The following BMPR2 variants were observed in gnomAD, a reference collection of about 807,000 sequenced individuals.
The protein encoded by BMPR2 is bone morphogenetic protein receptor type 2.
Under a neutral mutation model 100.8 loss-of-function variants are expected in BMPR2, and 29 were observed. That is an observed-to-expected ratio of 0.29 (90% CI 0.21 to 0.39). BMPR2 has a LOEUF of 0.39. Ranked by LOEUF, BMPR2 falls within the 10% of genes least tolerant of loss-of-function variation. BMPR2 has a pLI of 1.00. For missense variants in BMPR2, 1,011 were observed against 1,274.5 expected, an observed-to-expected ratio of 0.79 and a Z score of 3.15; for synonymous variants, 382 against 442.3, an observed-to-expected ratio of 0.86 and a Z score of 1.71.
chr2:202,531,196 G>C (rs1196293407), intron 8 of BMPR2, among the ~76,000 whole-genome samples: 1 of 152,078 alleles, frequency 6.6e-6, no homozygotes, highest in Non-Finnish European at 1.5e-5. Context: ...CCAGCTACTC[G>C]GGAGTCTGAG....
At chr2:202,381,834 G>C (rs1240445989) in intron 1 of BMPR2, among the ~76,000 whole-genome samples, 1 of 151,882 alleles carries the variant, frequency 6.6e-6, no homozygotes, top group Non-Finnish European at 1.5e-5. Context: ...TGAGGTGAGA[G>C]ATAACTGTTC....
intron 1 of BMPR2, among the ~76,000 whole-genome samples, chr2:202,391,291 TTTG>T (rs34935440): frequency 9.9e-5 from 15 of 151,450 alleles, no homozygotes; most frequent in Non-Finnish European, 1.6e-4. Flanking sequence ...GTCTTATAGT[TTTG>T]TTGTTGTTGT....
At position 202,556,063 on chromosome 2, in the gene BMPR2, C is replaced by A. The variant is rs760360705; in HGVS notation, c.2398C>A (p.His800Asn). Residue 800 changes from histidine (H) to asparagine (N), a missense_variant, in exon 12 of 13, where the codon CAT (histidine) becomes AAT (asparagine). His to Asn is a moderately conservative substitution (Grantham distance 68, BLOSUM62 1). Coordinates refer to ENST00000374580, the MANE Select transcript of BMPR2 (RefSeq NM_001204.7). ...GAATACAATCAATGCAGCAGAACCT[C>A]ATGTGGTGACAGTCACCATGAATGG... ...KMNTINAAEPHVVTVTMNGVA... is the reference protein window; with the variant it reads ...KMNTINAAEPNVVTVTMNGVA... The A allele has an allele frequency of 1.9e-5, 30 of 1,614,074 alleles. No individual in the cohort carries two copies. The highest frequency in any genetic ancestry group is 2.5e-5 in the Non-Finnish European group (30 of 1,180,058).
At chr2:202,451,026 A>G (rs1691967364) in intron 1 of BMPR2, among the ~76,000 whole-genome samples, 1 of 152,210 alleles carries the variant, frequency 6.6e-6, no homozygotes, top group Non-Finnish European at 1.5e-5. Context: ...CAAACACACA[A>G]GCATGCCCAG....
chr2:202,558,540 T>G (rs1379030931), intron 12 of BMPR2, among the ~76,000 whole-genome samples: 1 of 152,146 alleles, frequency 6.6e-6, no homozygotes, highest in Non-Finnish European at 1.5e-5. Flanking sequence ...CTTGCTTGAG[T>G]GGCTTGTATT....
rs903673433 is a variant in BMPR2, at chr2:202,564,423, G to C, written c.*4477G>C. ...GTTGATTATCTAGACCAGTCATTCT[G>C]GAAATTGTAACACTCCCACATAAAC... On this transcript the variant is annotated 3_prime_UTR_variant, in exon 13 of 13. Coordinates refer to ENST00000374580, the MANE Select transcript of BMPR2 (RefSeq NM_001204.7). 6.6e-6 allele frequency: 1 copy of C among 152,112 alleles called. No homozygotes were observed. Among genetic ancestry groups the C allele is most frequent in the Admixed American group, 6.6e-5 (1 of 15,266 alleles). The allele number at this position is 152,112 out of a possible 1,614,324, so 9.4% of individuals were successfully genotyped here.
At chr2:202,521,215 G>T (rs1169399297) in intron 7 of BMPR2, among the ~76,000 whole-genome samples, 1 of 152,166 alleles carries the variant, frequency 6.6e-6, no homozygotes, top group African/African-American at 2.4e-5. Context: ...TGATGTACTT[G>T]TTTGCAAGAG....
chr2:202,539,527 A>G (rs912563360), intron 9 of BMPR2, among the ~76,000 whole-genome samples: 3 of 152,160 alleles, frequency 2.0e-5, no homozygotes, highest in Non-Finnish European at 2.9e-5. Flanking sequence ...AATTCTTATA[A>G]AACATTTTTT....
intron 3 of BMPR2, among the ~76,000 whole-genome samples, chr2:202,497,241 C>G (rs1263421075): frequency 6.6e-6 from 1 of 152,204 alleles, no homozygotes; most frequent in Non-Finnish European, 1.5e-5. Flanking sequence ...TGAGTGCCGC[C>G]CCCTGCTCCA....
intron 3 of BMPR2, among the ~76,000 whole-genome samples, chr2:202,483,066 TG>T (rs1241961791): frequency 2.0e-5 from 3 of 152,196 alleles, no homozygotes; most frequent in African/African-American, 7.2e-5. Context: ...GCTGTCCTAA[TG>T]GGTGTGAGGT....
In BMPR2 at chr2:202,505,664, GGTGGTGCTGGCACTCTATAA is replaced by G. The variant is rs1350199176; in HGVS notation, c.419-8054_419-8035del. Reference sequence around the variant, plus strand: ...TTTGGCTGGAGCTTGGCAAGCTAGAGGTGGTGCTGGCACTCTATAACCACTTTATTTTATGGATAAAGAAG... The same window carrying G: ...TTTGGCTGGAGCTTGGCAAGCTAGAGCCACTTTATTTTATGGATAAAGAAG... On this transcript the variant is annotated intron_variant, in intron 3 of 12. Coordinates refer to ENST00000374580, the MANE Select transcript of BMPR2 (RefSeq NM_001204.7). Among the ~76,000 whole-genome samples the G allele has an allele frequency of 2.0e-5, 3 of 152,262 alleles. No individual in the cohort carries two copies. In the East Asian group the frequency reaches 5.8e-4, roughly 29 times the overall value.
rs1026688441 is a variant in BMPR2 at position 202,560,572 on chromosome 2, T to C, written c.*626T>C. ...CATCTCCCATACTTTTGAAGGTCAG[T>C]TCTATGACAGTGAATTTTGCACAGG... On this transcript the variant is annotated 3_prime_UTR_variant, in exon 13 of 13. Transcript: ENST00000374580. 3.3e-5 allele frequency: 5 copies of C among 153,476 alleles called. No homozygotes were observed. The highest frequency in any genetic ancestry group is 1.3e-4 in the Admixed American group (2 of 15,418). 9.5% of individuals were successfully genotyped at this position (153,476 alleles called of 1,614,324 possible). A position where few individuals can be genotyped will look rare whatever the true frequency, so the allele number is the denominator to read the frequency against.
chr2:202,428,732 C>CA (rs1691442757), intron 1 of BMPR2, among the ~76,000 whole-genome samples: 1 of 152,138 alleles, frequency 6.6e-6, no homozygotes, highest in Non-Finnish European at 1.5e-5. Context: ...TGTACACACG[C>CA]ATACTGTCTT....
intron 3 of BMPR2, among the ~76,000 whole-genome samples, chr2:202,468,690 T>C (rs1692373293): frequency 6.6e-6 from 1 of 152,182 alleles, no homozygotes; most frequent in Non-Finnish European, 1.5e-5. Flanking sequence ...GAATAGGAGA[T>C]TAGTTGAAAT....
At chr2:202,462,857 G>T (rs984268350) in intron 1 of BMPR2, among the ~76,000 whole-genome samples, 6 of 151,868 alleles carry the variant, frequency 4.0e-5, no homozygotes, top group Non-Finnish European at 8.8e-5. Flanking sequence ...GATTACAGGC[G>T]TACACCACCA....
intron 9 of BMPR2, among the ~76,000 whole-genome samples, chr2:202,533,930 A>C (rs1235142928): frequency 6.6e-6 from 1 of 152,208 alleles, no homozygotes; most frequent in African/African-American, 2.4e-5. Flanking sequence ...TCGTTGTAGT[A>C]TCATCTAAAA....
intron 1 of BMPR2, among the ~76,000 whole-genome samples, chr2:202,459,185 ACTC>A (rs1186568701): frequency 6.6e-6 from 1 of 151,848 alleles, no homozygotes; most frequent in African/African-American, 2.4e-5. Context: ...CAACCCTCAC[ACTC>A]CTCTTTTTAC....
rs145963193 is a variant in BMPR2 at position 202,545,066 on chromosome 2, A to AT, written c.1413+2628dup. Among the ~76,000 whole-genome samples, 115 of 150,498 alleles carry AT rather than the reference A, an allele frequency of 7.6e-4. 1 individual carries two copies. The highest frequency in any genetic ancestry group is 2.5e-3 in the African/African-American group (102 of 41,084). On this transcript the variant is annotated intron_variant, in intron 10 of 12. Coordinates refer to ENST00000374580, the MANE Select transcript of BMPR2 (RefSeq NM_001204.7). The stretch of plus-strand genomic sequence containing the variant: ...CATGAGCCATCATGCCTGGCCTGGT[A>AT]TTTTTTTTTAATTATTTCTTACCTT...
chr2:202,421,821 A>G (rs1028941175), intron 1 of BMPR2, among the ~76,000 whole-genome samples: 2 of 151,966 alleles, frequency 1.3e-5, no homozygotes, highest in Non-Finnish European at 2.9e-5. Flanking sequence ...TTCTTTTTTA[A>G]TGTGGGATGG....
Sources: gnomAD v4.1 joint callset for allele counts (sites outside exome capture counted in the v4.1 genomes callset) on GRCh38, gnomAD v4.1.1 for gene constraint, MANE v1.5 for transcripts, NCBI Gene and HGNC (gene_info 2026-07-23, HGNC 2026-07-21) for gene names.